Variants in ANKRD29 observed in about 807,000 individuals in gnomAD.
ANKRD29 encodes the protein ankyrin repeat domain-containing protein 29.
In ANKRD29, 32 loss-of-function variants were observed where a neutral mutation model predicts 38.0. The observed-to-expected ratio is 0.84, with a 90% CI of 0.64 to 1.13. The LOEUF (loss-of-function observed/expected upper bound fraction) is 1.13, where lower values mean the gene tolerates loss of function less well. Among genes scored for constraint, ANKRD29 ranks in the 50% most tolerant of loss-of-function variants. ANKRD29 has a pLI of 0.00. For synonymous variants in ANKRD29, 135 were observed against 152.4 expected (o/e 0.89, Z 0.84); for missense variants, 357 against 377.9 (o/e 0.94, Z 0.46).
chr18:23,630,386 A>C (rs1418327193), intron 5 of ANKRD29, among the ~76,000 whole-genome samples: 1 of 152,196 alleles, frequency 6.6e-6, no homozygotes, highest in African/African-American at 2.4e-5. Context: ...AGATCGCGCC[A>C]CTTCATTCCA....
chr18:23,652,158 A>G (rs998486235), intron 1 of ANKRD29, among the ~76,000 whole-genome samples: 58 of 152,126 alleles, frequency 3.8e-4, no homozygotes, highest in Non-Finnish European at 1.3e-4. Context: ...CTGTCACCCT[A>G]TGGCCGGCAC....
chr18:23,618,207 T>C (rs1388710612), intron 7 of ANKRD29, among the ~76,000 whole-genome samples: 4 of 152,242 alleles, frequency 2.6e-5, no homozygotes, highest in Non-Finnish European at 5.9e-5. Flanking sequence ...TTTAATAATT[T>C]AGATCATTGT....
At chr18:23,656,254 C>T (rs1002526991) in intron 1 of ANKRD29, among the ~76,000 whole-genome samples, 15 of 151,938 alleles carry the variant, frequency 9.9e-5, no homozygotes, top group African/African-American at 1.5e-4. Context: ...CAAAAGTAGA[C>T]GCAAAGGAGT....
Position 23,601,397 on chromosome 18 carries a change from C to A in ANKRD29, c.823-88G>T, listed in dbSNP as rs1217703577. On this transcript the variant is annotated intron_variant, in intron 9 of 9. Coordinates refer to ENST00000592179, the MANE Select transcript of ANKRD29 (RefSeq NM_173505.4). ...AAGAGGGGCATTTGACCCACTCTTT[C>A]TCCTTCACTAATGAAAAAAATCCAC... The A allele has an allele frequency of 4.9e-6, 5 of 1,029,280 alleles. No individual in the cohort carries two copies. The Admixed American group carries it at 1.0e-4, about 21-fold the overall frequency. 63.8% of individuals were successfully genotyped at this position (1,029,280 alleles called of 1,614,324 possible). A position where few individuals can be genotyped will look rare whatever the true frequency, so the allele number is the denominator to read the frequency against.
chr18:23,659,750 CA>C (rs57089995), intron 1 of ANKRD29, among the ~76,000 whole-genome samples: 81,582 of 141,290 alleles, frequency 0.58, 22,836 homozygotes, highest in Middle Eastern at 0.68. Flanking sequence ...TCAAAAAAGA[CA>C]AAAAAAAAAA....
rs745495628 is a variant in ANKRD29, at chr18:23,646,326, CTA to C, written c.133-41_133-40del. On this transcript the variant is annotated intron_variant, in intron 2 of 9. Transcript: ENST00000592179. ...AGACAGATGAAGAGTTAGGCCACTG[CTA>C]TGTCAGAGAGAAGGGTCCTAGAGAA... The C allele has an allele frequency of 8.3e-6, 13 of 1,574,668 alleles. No individual in the cohort carries two copies. The African/African-American group carries it at 1.6e-4, about 20-fold the overall frequency.
At chr18:23,652,645 T>G (rs2060224432) in intron 1 of ANKRD29, among the ~76,000 whole-genome samples, 1 of 152,200 alleles carries the variant, frequency 6.6e-6, no homozygotes, top group South Asian at 2.1e-4. Context: ...CTCTAGCCTT[T>G]AAAGGAGACA....
intron 1 of ANKRD29, among the ~76,000 whole-genome samples, chr18:23,660,632 C>T (rs1303804801): frequency 6.6e-6 from 1 of 152,134 alleles, no homozygotes; most frequent in Non-Finnish European, 1.5e-5. Context: ...ATGGCGAAAC[C>T]CCGTCTCTAC....
At chr18:23,610,091 A>G (rs550882292) in intron 9 of ANKRD29, among the ~76,000 whole-genome samples, 51 of 152,366 alleles carry the variant, frequency 3.3e-4, no homozygotes, top group Non-Finnish European at 6.2e-4. Flanking sequence ...AGATATGCTT[A>G]GAAAAATTCA....
At chr18:23,613,283 G>A (rs1004197780) in intron 8 of ANKRD29, among the ~76,000 whole-genome samples, 2 of 147,362 alleles carry the variant, frequency 1.4e-5, no homozygotes, top group African/African-American at 2.5e-5. Context: ...AACGATTCTC[G>A]TGCCTCAGCC....
At chr18:23,657,615 C>T (rs2060301522) in intron 1 of ANKRD29, among the ~76,000 whole-genome samples, 1 of 152,208 alleles carries the variant, frequency 6.6e-6, no homozygotes, top group Admixed American at 6.5e-5. Context: ...CCCTGGCAAC[C>T]ACTAATCGAC....
intron 5 of ANKRD29, among the ~76,000 whole-genome samples, chr18:23,632,238 C>CTTTTTTTTTTAATTTTTTTTTAATTTCT (rs960791879): frequency 6.6e-6 from 1 of 151,986 alleles, no homozygotes; most frequent in Admixed American, 6.6e-5. Flanking sequence ...TTTTCTTTTT[C>CTTTTTTTTTTAATTTTTTTTTAATTTCT]TTTTTTTAAT....
chr18:23,620,735 G>C (rs2059786652), intron 6 of ANKRD29, among the ~76,000 whole-genome samples: 1 of 152,184 alleles, frequency 6.6e-6, no homozygotes, highest in Admixed American at 6.5e-5. Context: ...GCTCTCTGCT[G>C]GTGCCCGGGA....
chr18:23,619,697 TTA>T, intron 6 of ANKRD29, 68 bp from the exon 7 acceptor site: 1 of 1,363,152 alleles, frequency 7.3e-7, no homozygotes, highest in Non-Finnish European at 9.8e-7. Flanking sequence ...CAGAACGTCT[TTA>T]ACACCAGGGG....
chr18:23,612,026 A>G, intron 9 of ANKRD29, 66 bp downstream of exon 9: 1 of 1,426,878 alleles, frequency 7.0e-7, no homozygotes, highest in Non-Finnish European at 9.8e-7. Flanking sequence ...GGAGATGTTT[A>G]TCCTTCCTGG....
chr18:23,619,661 C>G, intron 6 of ANKRD29, 32 bp from the exon 7 acceptor site: 1 of 1,520,530 alleles, frequency 6.6e-7, no homozygotes, highest in Non-Finnish European at 8.7e-7. Context: ...GCCGCCGTGA[C>G]TGGGGCGCCC....
At position 23,629,954 on chromosome 18, in the gene ANKRD29, G is replaced by A. The variant is rs1310759666; in HGVS notation, c.430-3C>T. 6.2e-7 allele frequency: 1 copy of A among 1,609,654 alleles called. No homozygotes were observed. Among genetic ancestry groups the A allele is most frequent in the Non-Finnish European group, 8.5e-7 (1 of 1,176,132 alleles). ...AGGAAGAGGGCAGTGGCTCCATCCT[G>A]AGAGAGAACAAATTAAAAGCATTAA... is the stretch of plus-strand genomic sequence containing the variant. On this transcript the variant is annotated splice_polypyrimidine_tract_variant and splice_region_variant and intron_variant, in intron 5 of 9. Coordinates refer to ENST00000592179, the MANE Select transcript of ANKRD29 (RefSeq NM_173505.4).
In ANKRD29 at chr18:23,632,531, G is replaced by GTATATATATATATATATATATATA. The variant is rs772817461; in HGVS notation, c.429+1519_429+1520insTATATATATATATATATATATATA. Among the ~76,000 whole-genome samples, 804 of 126,542 alleles carry GTATATATATATATATATATATATA rather than the reference G, an allele frequency of 6.4e-3. 28 individuals carry two copies. Among genetic ancestry groups the GTATATATATATATATATATATATA allele is most frequent in the African/African-American group, 0.026 (771 of 29,870 alleles). The allele number at this position is 126,542 out of a possible 152,430, so 83.0% of individuals were successfully genotyped here. A position where few individuals can be genotyped will look rare whatever the true frequency, so the allele number is the denominator to read the frequency against. ...TCCTATTCAGTGTGTGTGTGTGTGT[G>GTATATATATATATATATATATATA]TGTATATATATATATATTACACACT... On this transcript the variant is annotated intron_variant, in intron 5 of 9. Coordinates refer to ENST00000592179, the MANE Select transcript of ANKRD29 (RefSeq NM_173505.4).
At chr18:23,604,575 T>G (rs2059552749) in intron 9 of ANKRD29, among the ~76,000 whole-genome samples, 1 of 152,010 alleles carries the variant, frequency 6.6e-6, no homozygotes, top group Non-Finnish European at 1.5e-5. Context: ...TCTGTTGCCA[T>G]GCTGGACTGC....
Sources: allele counts gnomAD v4.1 joint callset (sites outside exome capture counted in the v4.1 genomes callset), GRCh38; gene constraint gnomAD v4.1.1; transcripts MANE v1.5; gene names NCBI Gene and HGNC (gene_info 2026-07-23, HGNC 2026-07-21).